Variants in LRFN2 observed in about 807,000 individuals in gnomAD.
The protein encoded by LRFN2 is leucine rich repeat and fibronectin type III domain containing 2.
In LRFN2, 18 loss-of-function variants were observed where a neutral mutation model predicts 37.3. That is an observed-to-expected ratio of 0.48 (90% CI 0.33 to 0.72). The LOEUF is 0.72. LRFN2 is among the 30% of genes least tolerant of loss of function. The pLI, the probability that LRFN2 is intolerant of heterozygous loss-of-function variation, is 0.02. For missense variants in LRFN2, 1,006 were observed against 1,060.7 expected (o/e 0.95, Z 0.72); for synonymous variants, 556 against 466.6 (o/e 1.19, Z -2.47).
intron 2 of LRFN2, among the ~76,000 whole-genome samples, chr6:40,415,285 G>T (rs1188433456): frequency 1.3e-5 from 2 of 152,084 alleles, no homozygotes; most frequent in African/African-American, 4.8e-5. Flanking sequence ...GAATGCAATG[G>T]TGCAATCTCA....
At chr6:40,438,576 C>A (rs1376374519) in intron 1 of LRFN2, among the ~76,000 whole-genome samples, 1 of 152,216 alleles carries the variant, frequency 6.6e-6, no homozygotes, top group African/African-American at 2.4e-5. Flanking sequence ...TCGTCTGGCT[C>A]CAGGCCATGC....
intron 1 of LRFN2, among the ~76,000 whole-genome samples, chr6:40,557,195 A>G (rs1766906619): frequency 6.6e-6 from 1 of 152,218 alleles, no homozygotes; most frequent in African/African-American, 2.4e-5. Context: ...CGAGGTCTCC[A>G]TGAGTCCAGC....
chr6:40,562,468 G>C (rs1767016116), intron 1 of LRFN2, among the ~76,000 whole-genome samples: 1 of 151,988 alleles, frequency 6.6e-6, no homozygotes, highest in Non-Finnish European at 1.5e-5. Flanking sequence ...CAAAGGGAGG[G>C]GGAGAGAAGG....
At chr6:40,553,527 T>C (rs1766815547) in intron 1 of LRFN2, among the ~76,000 whole-genome samples, 1 of 152,056 alleles carries the variant, frequency 6.6e-6, no homozygotes, top group Admixed American at 6.6e-5. Context: ...ACTCCATTTG[T>C]AAATAGGGGA....
At chr6:40,518,486 T>A (rs1765950738) in intron 1 of LRFN2, among the ~76,000 whole-genome samples, 1 of 152,130 alleles carries the variant, frequency 6.6e-6, no homozygotes, top group South Asian at 2.1e-4. Context: ...CATGCTCACC[T>A]CCTATGCTGC....
intron 1 of LRFN2, among the ~76,000 whole-genome samples, chr6:40,477,150 G>A (rs1396675831): frequency 1.3e-5 from 2 of 152,200 alleles, no homozygotes; most frequent in Non-Finnish European, 2.9e-5. Context: ...TCTGGGAATG[G>A]GACCCAGAGT....
intron 1 of LRFN2, among the ~76,000 whole-genome samples, chr6:40,480,990 C>T (rs1446925813): frequency 6.6e-6 from 1 of 152,176 alleles, no homozygotes; most frequent in African/African-American, 2.4e-5. Context: ...CTGGGCTAAA[C>T]ATCCACAGAG....
At chr6:40,484,789 G>A (rs1764916294) in intron 1 of LRFN2, among the ~76,000 whole-genome samples, 1 of 152,320 alleles carries the variant, frequency 6.6e-6, no homozygotes, top group South Asian at 2.1e-4. Flanking sequence ...TCAGAGGAAT[G>A]CAGTCCTTGT....
intron 1 of LRFN2, among the ~76,000 whole-genome samples, chr6:40,548,831 G>A (rs956132427): frequency 2.6e-5 from 4 of 152,190 alleles, no homozygotes; most frequent in Non-Finnish European, 5.9e-5. Flanking sequence ...GCTACCATGA[G>A]GAGGAAGGCC....
At chr6:40,536,807 C>T (rs1023137354) in intron 1 of LRFN2, among the ~76,000 whole-genome samples, 1 of 152,146 alleles carries the variant, frequency 6.6e-6, no homozygotes, top group African/African-American at 2.4e-5. Context: ...GCCTCCAAGA[C>T]CTTGAGCCTT....
intron 1 of LRFN2, among the ~76,000 whole-genome samples, chr6:40,559,522 G>T (rs1052161315): frequency 6.6e-6 from 1 of 152,218 alleles, no homozygotes; most frequent in South Asian, 2.1e-4. Context: ...GCCTGGCCTG[G>T]GGCCCACTAT....
chr6:40,583,759 A>C (rs1767449308), intron 1 of LRFN2, among the ~76,000 whole-genome samples: 1 of 152,146 alleles, frequency 6.6e-6, no homozygotes, highest in South Asian at 2.1e-4. Flanking sequence ...GTTCAATCAC[A>C]ACCCCTGCCC....
chr6:40,523,066 T>C (rs1766133254), intron 1 of LRFN2, among the ~76,000 whole-genome samples: 1 of 152,202 alleles, frequency 6.6e-6, no homozygotes, highest in African/African-American at 2.4e-5. Flanking sequence ...GCAAGGTGTC[T>C]CAGTAGGTGT....
chr6:40,525,859 C>T (rs868113592), intron 1 of LRFN2, among the ~76,000 whole-genome samples: 7 of 152,298 alleles, frequency 4.6e-5, no homozygotes, highest in Non-Finnish European at 7.3e-5. Flanking sequence ...CGCAAGACCA[C>T]GTAAGACACA....
chr6:40,409,218 A>G (rs1452085696), intron 2 of LRFN2, among the ~76,000 whole-genome samples: 1 of 152,200 alleles, frequency 6.6e-6, no homozygotes, highest in East Asian at 1.9e-4. Flanking sequence ...TTTTCCTTCA[A>G]TTATAACCAT....
intron 1 of LRFN2, among the ~76,000 whole-genome samples, chr6:40,569,458 G>A (rs1767148540): frequency 6.6e-6 from 1 of 152,182 alleles, no homozygotes; most frequent in African/African-American, 2.4e-5. Flanking sequence ...TCAGAAGTCT[G>A]GCTTAGAAAC....
At chr6:40,396,562 G>T (rs543422885) in intron 2 of LRFN2, among the ~76,000 whole-genome samples, 1 of 152,146 alleles carries the variant, frequency 6.6e-6, no homozygotes, top group African/African-American at 2.4e-5. Flanking sequence ...CACTGGAACC[G>T]GGATGAAAGG....
intron 1 of LRFN2, among the ~76,000 whole-genome samples, chr6:40,444,019 T>C (rs1350847292): frequency 6.6e-6 from 1 of 152,134 alleles, no homozygotes. Flanking sequence ...CACCACCCTC[T>C]CACCACTTGC....
chr6:40,532,257 A>G (rs866791774), intron 1 of LRFN2, among the ~76,000 whole-genome samples: 1 of 152,226 alleles, frequency 6.6e-6, no homozygotes, highest in Admixed American at 6.5e-5. Flanking sequence ...ACTTGGGGTC[A>G]TCATATCCCA....
Sources: gnomAD v4.1 joint callset for allele counts (sites outside exome capture counted in the v4.1 genomes callset) on GRCh38, gnomAD v4.1.1 for gene constraint, MANE v1.5 for transcripts, NCBI Gene and HGNC (gene_info 2026-07-23, HGNC 2026-07-21) for gene names.